Variants in TBC1D31 observed in about 807,000 individuals in gnomAD.
TBC1D31 encodes TBC1 domain family member 31.
In TBC1D31, 99 loss-of-function variants were observed where a neutral mutation model predicts 132.9. That is an observed-to-expected ratio of 0.74 (90% CI 0.63 to 0.88). The LOEUF (loss-of-function observed/expected upper bound fraction) is 0.88, where lower values mean the gene tolerates loss of function less well. Ranked by LOEUF, TBC1D31 falls within the 40% of genes least tolerant of loss-of-function variation. The pLI is 0.00. For synonymous variants in TBC1D31, 385 were observed against 419.4 expected (o/e 0.92, Z 1.00); for missense variants, 1,134 against 1,256.6 (o/e 0.90, Z 1.48).
Position 123,088,120 on chromosome 8 carries a change from CAG to C in TBC1D31, c.519+3783_519+3784del, listed in dbSNP as rs1407749529. On this transcript the variant is annotated intron_variant, in intron 4 of 21. Transcript: ENST00000287380. ...AGAAGAATCGCTTGAACCCGGGAAA[CAG>C]AGGTTGCAGTGAGCCGAAATTGCAC... Among the ~76,000 whole-genome samples, 568 of 151,286 alleles carry C rather than the reference CAG, an allele frequency of 3.8e-3. 2 individuals carry two copies. The highest frequency in any genetic ancestry group is 0.013 in the African/African-American group (550 of 41,142).
chr8:123,140,855 A>C lies in TBC1D31; in HGVS notation c.2594A>C (p.His865Pro), dbSNP rs756852144. The change falls in exon 18 of 22, where the codon CAT becomes CCT. Residue 865 changes from histidine to proline, a missense_variant. His to Pro is a moderately conservative substitution (Grantham distance 77). Coordinates refer to ENST00000287380, the MANE Select transcript of TBC1D31 (RefSeq NM_145647.4). ...GTGGATCTTGAAGAACACATGTTTCATAAGCTGATAGAAGCAGGTGAAACC... is the reference window on the plus strand; with the variant it reads ...GTGGATCTTGAAGAACACATGTTTCCTAAGCTGATAGAAGCAGGTGAAACC... Reference protein sequence around the residue: ...RKVDLEEHMFHKLIEAGETQS... With the variant: ...RKVDLEEHMFPKLIEAGETQS... 1.9e-6 allele frequency: 3 copies of C among 1,613,924 alleles called. No individual in the cohort carries two copies. The highest frequency in any genetic ancestry group is 2.5e-6 in the Non-Finnish European group (3 of 1,179,936).
chr8:123,158,826 C>A, the TBC1D31 span, among the ~76,000 whole-genome samples: 1 of 151,920 alleles, frequency 6.6e-6, no homozygotes, highest in East Asian at 1.9e-4. Context: ...AGCTGCCGGG[C>A]GGGTGGCCGA....
At chr8:123,145,060 A>T (rs1367919112) in intron 20 of TBC1D31, among the ~76,000 whole-genome samples, 3 of 151,962 alleles carry the variant, frequency 2.0e-5, no homozygotes, top group African/African-American at 4.8e-5. Context: ...AGTAGCTGGG[A>T]CCATAGGCGT....
intron 6 of TBC1D31, among the ~76,000 whole-genome samples, chr8:123,100,189 C>T (rs192614570): frequency 5.5e-4 from 84 of 152,242 alleles, no homozygotes; most frequent in Non-Finnish European, 9.6e-4. Flanking sequence ...CTTAGGGCAC[C>T]TTTCCATAGT....
At position 123,100,834 on chromosome 8, in the gene TBC1D31, A is replaced by T; in HGVS notation, c.859A>T (p.Ile287Phe). ...QVLGVLSQDG[I>F]MRFINMQTCK... ...TCTTGGAGTACTAAGTCAAGATGGT[A>T]TTATGAGATTTATCAATATGCAGAC... Residue 287 changes from isoleucine to phenylalanine, a missense_variant, in exon 7 of 22, where the codon ATT becomes TTT. Transcript: ENST00000287380. The T allele has an allele frequency of 6.2e-7, 1 of 1,613,612 alleles. No homozygotes were observed. Among genetic ancestry groups the T allele is most frequent in the South Asian group, 1.1e-5 (1 of 91,066 alleles).
intron 8 of TBC1D31, among the ~76,000 whole-genome samples, chr8:123,105,915 C>T (rs1026897998): frequency 1.1e-4 from 17 of 152,068 alleles, no homozygotes; most frequent in Admixed American, 6.6e-4. Context: ...TATTGCTCCA[C>T]GCTCTCTCTC....
intron 4 of TBC1D31, among the ~76,000 whole-genome samples, chr8:123,089,241 A>G (rs1816095019): frequency 1.3e-5 from 2 of 152,174 alleles, no homozygotes; most frequent in African/African-American, 4.8e-5. Flanking sequence ...TCTGGTTCCA[A>G]GCATTTTGCA....
At chr8:123,111,365 C>T (rs1482332100) in intron 10 of TBC1D31, among the ~76,000 whole-genome samples, 1 of 152,052 alleles carries the variant, frequency 6.6e-6, no homozygotes, top group African/African-American at 2.4e-5. Flanking sequence ...GAAGATACAA[C>T]CCATGTAGGA....
chr8:123,109,252 T>A, intron 8 of TBC1D31, 65 bp from the exon 9 acceptor site: 11 of 1,190,886 alleles, frequency 9.2e-6, no homozygotes, highest in Non-Finnish European at 1.1e-5. Context: ...TGGACTAGAT[T>A]ACCTTTGTCA....
At chr8:123,156,959 C>G (rs374746949), downstream of TBC1D31, among the ~76,000 whole-genome samples, 172 of 152,354 alleles carry the variant, frequency 1.1e-3, no homozygotes, top group African/African-American at 3.9e-3. Context: ...CTCCTCCCCC[C>G]CGCGACGGCC....
chr8:123,101,285 A>G (rs1323881348), intron 7 of TBC1D31, among the ~76,000 whole-genome samples: 1 of 152,048 alleles, frequency 6.6e-6, no homozygotes, highest in African/African-American at 2.4e-5. Context: ...TCTTTCTGCA[A>G]TTCTCTCTCA....
chr8:123,078,223 G>T (rs528068734), intron 2 of TBC1D31, among the ~76,000 whole-genome samples: 1 of 152,156 alleles, frequency 6.6e-6, no homozygotes, highest in Non-Finnish European at 1.5e-5. Flanking sequence ...TCTGCATAGC[G>T]AATGGGGCAG....
the TBC1D31 span, among the ~76,000 whole-genome samples, chr8:123,162,509 A>C: frequency 9.2e-5 from 14 of 152,218 alleles, no homozygotes; most frequent in Admixed American, 5.9e-4. Context: ...CAGAGAGCTA[A>C]AGGAGGGAGC....
Position 123,093,755 on chromosome 8 carries a change from T to C in TBC1D31, c.671+13T>C. On this transcript the variant is annotated intron_variant, in intron 5 of 21. Coordinates refer to ENST00000287380, the MANE Select transcript of TBC1D31 (RefSeq NM_145647.4). ...TTGCTGTAACCAGGTAATGTGCATT[T>C]TAAGACACTAGGAATATTTAAGAAA... The C allele has an allele frequency of 6.7e-7, 1 of 1,502,854 alleles. No homozygotes were observed. Among genetic ancestry groups the C allele is most frequent in the Non-Finnish European group, 9.0e-7 (1 of 1,111,736 alleles). 93.1% of individuals were successfully genotyped at this position (1,502,854 alleles called of 1,614,324 possible).
chr8:123,092,140 G>C (rs564481384), intron 4 of TBC1D31, among the ~76,000 whole-genome samples: 23 of 152,130 alleles, frequency 1.5e-4, no homozygotes, highest in African/African-American at 5.5e-4. Flanking sequence ...TCAGCCTCTT[G>C]AGTAGCTGGG....
At chr8:123,145,301 A>G (rs1822088882) in intron 20 of TBC1D31, among the ~76,000 whole-genome samples, 1 of 152,204 alleles carries the variant, frequency 6.6e-6, no homozygotes, top group Non-Finnish European at 1.5e-5. Context: ...ACTGGTTACC[A>G]TATTTTTGGT....
intron 5 of TBC1D31, among the ~76,000 whole-genome samples, chr8:123,095,243 A>G (rs2130229097): frequency 6.6e-6 from 1 of 152,304 alleles, no homozygotes; most frequent in South Asian, 2.1e-4. Flanking sequence ...ACAACATAGA[A>G]CAGTTTTCTT....
At chr8:123,109,279 G>A in intron 8 of TBC1D31, 38 bp from the exon 9 acceptor site, 2 of 1,440,658 alleles carry the variant, frequency 1.4e-6, no homozygotes, top group South Asian at 2.4e-5. Context: ...CAGTTTTAAT[G>A]ATTGTGTCAT....
chr8:123,163,312 A>AT, the TBC1D31 span, among the ~76,000 whole-genome samples: 6 of 138,162 alleles, frequency 4.3e-5, no homozygotes, highest in East Asian at 4.3e-4. Context: ...TGGTTATCCT[A>AT]TTTTTTTTAA....
Sources: gnomAD v4.1 joint callset for allele counts (sites outside exome capture counted in the v4.1 genomes callset) on GRCh38, gnomAD v4.1.1 for gene constraint, MANE v1.5 for transcripts, NCBI Gene and HGNC (gene_info 2026-07-23, HGNC 2026-07-21) for gene names.